NAV2: variants seen among roughly 807,000 people sequenced by gnomAD.
NAV2 encodes helicase, APC down-regulated 1.
Under a neutral mutation model 223.2 loss-of-function variants are expected in NAV2, and 54 were observed. The ratio of observed to expected loss-of-function variants is 0.24; its 90% CI spans 0.19 to 0.30. NAV2 has a LOEUF of 0.30. Among genes scored for constraint, NAV2 ranks in the 10% least tolerant of loss-of-function variants. NAV2 has a pLI of 1.00. For missense variants in NAV2, 2,806 were observed against 3,147.5 expected, an observed-to-expected ratio of 0.89 and a Z score of 2.60; for synonymous variants, 1,279 against 1,239.3, an observed-to-expected ratio of 1.03 and a Z score of -0.67.
chr11:20,118,535 G>T lies in NAV2; in HGVS notation c.*277G>T. 1 of 274,224 alleles carries T rather than the reference G, an allele frequency of 3.6e-6. No individual in the cohort carries two copies. Among genetic ancestry groups the T allele is most frequent in the Non-Finnish European group, 6.8e-6 (1 of 147,140 alleles). 17.0% of individuals were successfully genotyped at this position (274,224 alleles called of 1,614,324 possible). A position where few individuals can be genotyped will look rare whatever the true frequency, so the allele number is the denominator to read the frequency against. On this transcript the variant is annotated 3_prime_UTR_variant, in exon 38 of 38. Coordinates refer to ENST00000349880, the MANE Select transcript of NAV2 (RefSeq NM_145117.5). ...GCTGTGACCTCCCTAAGACACTGAA[G>T]ATACTTCTCGGGAAAGGATCATCGC... is the stretch of plus-strand genomic sequence containing the variant.
At chr11:20,099,485 G>A (rs754734911) in intron 31 of NAV2, among the ~76,000 whole-genome samples, 18 of 152,278 alleles carry the variant, frequency 1.2e-4, no homozygotes, top group African/African-American at 2.2e-4. Context: ...CTAGTGGAGC[G>A]TGCCACCCCT....
intron 1 of NAV2, among the ~76,000 whole-genome samples, chr11:19,675,685 G>A (rs1048861692): frequency 7.9e-5 from 12 of 152,316 alleles, no homozygotes; most frequent in Admixed American, 7.8e-4. Flanking sequence ...TGTACAGTGT[G>A]TGAGCTGTGG....
At chr11:19,805,004 A>C (rs572767314) in intron 1 of NAV2, among the ~76,000 whole-genome samples, 2 of 152,190 alleles carry the variant, frequency 1.3e-5, no homozygotes, top group Non-Finnish European at 2.9e-5. Context: ...GTGGGAAATC[A>C]GGGCACCTGC....
chr11:19,958,326 A>G (rs1019838962), intron 10 of NAV2, among the ~76,000 whole-genome samples: 2 of 152,242 alleles, frequency 1.3e-5, no homozygotes, highest in African/African-American at 4.8e-5. Flanking sequence ...ACTGAGACCA[A>G]GGGAAATGAG....
In NAV2 at chr11:20,075,957, C is replaced by A. The variant is rs372407286; in HGVS notation, c.4984-1595C>A. On this transcript the variant is annotated intron_variant, in intron 22 of 37. Coordinates refer to ENST00000349880, the MANE Select transcript of NAV2 (RefSeq NM_145117.5). ...TACTCCCCCTGTCTACACCTGTGTT[C>A]TCAGGTAGTCTCACTCCTCTCATAG... Among the ~76,000 whole-genome samples the A allele has an allele frequency of 9.3e-4, 142 of 152,250 alleles. No homozygotes were observed. The South Asian group carries it at 0.019, about 21-fold the overall frequency.
chr11:20,022,324 G>A (rs1313914964), intron 11 of NAV2, among the ~76,000 whole-genome samples: 1 of 152,064 alleles, frequency 6.6e-6, no homozygotes, highest in Non-Finnish European at 1.5e-5. Flanking sequence ...CCCAGAGCTG[G>A]GACTCTCTCC....
chr11:19,430,410 G>C (rs1850999260), intron 1 of NAV2, among the ~76,000 whole-genome samples: 1 of 152,108 alleles, frequency 6.6e-6, no homozygotes, highest in South Asian at 2.1e-4. Flanking sequence ...CCTCAGGCTG[G>C]GTCCTCTTGA....
At chr11:20,051,010 T>G (rs2057950791) in intron 16 of NAV2, among the ~76,000 whole-genome samples, 1 of 152,210 alleles carries the variant, frequency 6.6e-6, no homozygotes, top group Non-Finnish European at 1.5e-5. Flanking sequence ...AATTTTGCTT[T>G]GAATCTGTGG....
intron 11 of NAV2, among the ~76,000 whole-genome samples, chr11:19,987,459 C>T (rs910365133): frequency 4.6e-5 from 7 of 152,254 alleles, no homozygotes; most frequent in East Asian, 1.9e-4. Context: ...CCTCAGCAAA[C>T]GAAAGAAAGG....
intron 22 of NAV2, 22 bp from the exon 23 acceptor site, chr11:20,077,529 TG>T: frequency 6.3e-7 from 1 of 1,579,992 alleles, no homozygotes; most frequent in Non-Finnish European, 8.7e-7. Context: ...GTAATATAAC[TG>T]AGGTTGTGTC....
At chr11:20,011,919 G>A (rs1204891269) in intron 11 of NAV2, among the ~76,000 whole-genome samples, 1 of 152,206 alleles carries the variant, frequency 6.6e-6, no homozygotes, top group African/African-American at 2.4e-5. Flanking sequence ...CCTAATGTAT[G>A]CACACTAGTG....
chr11:20,074,096 T>A (rs1487278294), intron 22 of NAV2, among the ~76,000 whole-genome samples: 1 of 152,240 alleles, frequency 6.6e-6, no homozygotes, highest in Non-Finnish European at 1.5e-5. Flanking sequence ...CTCTACACAC[T>A]GCTTTAAATG....
At chr11:19,765,886 A>G (rs1427241785) in intron 1 of NAV2, among the ~76,000 whole-genome samples, 4 of 152,070 alleles carry the variant, frequency 2.6e-5, no homozygotes, top group Non-Finnish European at 5.9e-5. Context: ...CACCCCAAGG[A>G]CATGCTATCC....
chr11:19,621,646 T>A (rs922783068), intron 1 of NAV2, among the ~76,000 whole-genome samples: 1 of 152,208 alleles, frequency 6.6e-6, no homozygotes, highest in South Asian at 2.1e-4. Context: ...TCTTCTCTCA[T>A]TCCTTCTTTA....
chr11:19,522,287 C>T (rs984396182), intron 1 of NAV2, among the ~76,000 whole-genome samples: 2 of 152,186 alleles, frequency 1.3e-5, no homozygotes, highest in Admixed American at 6.5e-5. Context: ...CTCCCTCCAT[C>T]GTCTCCAAGC....
At chr11:19,839,068 T>C (rs1221905267) in intron 2 of NAV2, among the ~76,000 whole-genome samples, 1 of 152,208 alleles carries the variant, frequency 6.6e-6, no homozygotes, top group Non-Finnish European at 1.5e-5. Flanking sequence ...TTGCTGCTGC[T>C]CTTTAGGAGC....
At chr11:19,603,880 G>A (rs536995130) in intron 1 of NAV2, among the ~76,000 whole-genome samples, 9 of 152,114 alleles carry the variant, frequency 5.9e-5, no homozygotes, top group Non-Finnish European at 1.3e-4. Context: ...TGACATTTGA[G>A]TAGAGCCTGA....
At chr11:19,593,931 C>T (rs2046131402) in intron 1 of NAV2, among the ~76,000 whole-genome samples, 1 of 152,030 alleles carries the variant, frequency 6.6e-6, no homozygotes, top group African/African-American at 2.4e-5. Flanking sequence ...TTTATATATG[C>T]TAGATATGGG....
chr11:20,056,663 A>C, intron 19 of NAV2: 13 of 1,385,250 alleles, frequency 9.4e-6, no homozygotes, highest in Non-Finnish European at 1.2e-5. Flanking sequence ...GGAGGATATC[A>C]TCCCCACCCC....
Sources: gnomAD v4.1 joint callset for allele counts (sites outside exome capture counted in the v4.1 genomes callset) on GRCh38, gnomAD v4.1.1 for gene constraint, MANE v1.5 for transcripts, NCBI Gene and HGNC (gene_info 2026-07-23, HGNC 2026-07-21) for gene names.